The following SLC24A3 variants were observed in gnomAD, a reference collection of about 807,000 sequenced individuals.
SLC24A3 encodes solute carrier family 24 member 3.
SLC24A3 carries 28 observed loss-of-function variants against 75.8 expected under a neutral mutation model. The ratio of observed to expected loss-of-function variants is 0.37; its 90% CI spans 0.27 to 0.51. The LOEUF (loss-of-function observed/expected upper bound fraction) is 0.51, where lower values mean the gene tolerates loss of function less well. Among genes scored for constraint, SLC24A3 ranks in the 20% least tolerant of loss-of-function variants. The pLI, the probability that SLC24A3 is intolerant of heterozygous loss-of-function variation, is 0.94. For synonymous variants in SLC24A3, 372 were observed against 334.1 expected (o/e 1.11, Z -1.24); for missense variants, 663 against 847.8 (o/e 0.78, Z 2.71).
At chr20:19,708,142 A>G (rs953828662) in intron 15 of SLC24A3, among the ~76,000 whole-genome samples, 1 of 152,124 alleles carries the variant, frequency 6.6e-6, no homozygotes, top group South Asian at 2.1e-4. Context: ...GCAGCCAAGT[A>G]TATCAGACCT....
intron 3 of SLC24A3, among the ~76,000 whole-genome samples, chr20:19,546,294 C>T (rs2328406): frequency 0.49 from 73,581 of 151,640 alleles, 18,210 homozygotes; most frequent in South Asian, 0.58. Context: ...TCTCTCCCTA[C>T]ACCCCTGAGC....
intron 7 of SLC24A3, among the ~76,000 whole-genome samples, chr20:19,662,179 A>T (rs541220124): frequency 1.9e-3 from 293 of 152,206 alleles, no homozygotes; most frequent in Non-Finnish European, 3.1e-3. Flanking sequence ...TATCAGTATC[A>T]CCCTTGGTGG....
intron 3 of SLC24A3, among the ~76,000 whole-genome samples, chr20:19,562,826 C>T (rs774130992): frequency 1.3e-5 from 2 of 150,380 alleles, no homozygotes; most frequent in Non-Finnish European, 3.0e-5. Flanking sequence ...GTTGGCCCAT[C>T]ACCGCTAATG....
At chr20:19,655,279 T>G (rs1338293006) in intron 7 of SLC24A3, among the ~76,000 whole-genome samples, 2 of 152,164 alleles carry the variant, frequency 1.3e-5, no homozygotes, top group Non-Finnish European at 2.9e-5. Flanking sequence ...GCCATCCAAG[T>G]GGTGTCTCCA....
At chr20:19,553,387 A>G (rs1285568201) in intron 3 of SLC24A3, among the ~76,000 whole-genome samples, 2 of 152,206 alleles carry the variant, frequency 1.3e-5, no homozygotes, top group East Asian at 3.9e-4. Context: ...GCTGCATCAC[A>G]AGGAAGTAAG....
intron 1 of SLC24A3, among the ~76,000 whole-genome samples, chr20:19,253,190 C>G (rs933126612): frequency 6.6e-6 from 1 of 152,194 alleles, no homozygotes; most frequent in Non-Finnish European, 1.5e-5. Flanking sequence ...CCTAAAGACT[C>G]ACATTCTCTA....
chr20:19,435,227 C>T (rs3790203), intron 2 of SLC24A3, among the ~76,000 whole-genome samples: 4,172 of 152,288 alleles, frequency 0.027, 166 homozygotes, highest in East Asian at 0.1. Context: ...AACTTAACTC[C>T]CCAGAACTTG....
chr20:19,610,155 T>C (rs2031653125), intron 6 of SLC24A3, among the ~76,000 whole-genome samples: 1 of 150,766 alleles, frequency 6.6e-6, no homozygotes, highest in Non-Finnish European at 1.5e-5. Flanking sequence ...CTCGGCTTTC[T>C]TCTTCTCCTT....
intron 12 of SLC24A3, 55 bp from the exon 13 acceptor site, chr20:19,693,204 T>C (rs2032765428): frequency 1.3e-6 from 2 of 1,553,008 alleles, no homozygotes; most frequent in African/African-American, 1.4e-5. Flanking sequence ...TAAAGCTAAC[T>C]GGGGTTCTTT....
At chr20:19,324,631 C>T (rs757021449) in intron 2 of SLC24A3, among the ~76,000 whole-genome samples, 26 of 152,120 alleles carry the variant, frequency 1.7e-4, no homozygotes, top group Non-Finnish European at 3.5e-4. Context: ...TTTACCCATC[C>T]GTATAATCAA....
chr20:19,648,049 G>A (rs1357481271), intron 6 of SLC24A3, among the ~76,000 whole-genome samples: 1 of 152,102 alleles, frequency 6.6e-6, no homozygotes, highest in Non-Finnish European at 1.5e-5. Context: ...GTCCATTTTC[G>A]ATAGTGAACT....
rs73899701 is a variant in SLC24A3 at position 19,290,817 on chromosome 20, C to T, written c.271+9730C>T. Among the ~76,000 whole-genome samples, 441 of 152,190 alleles carry T rather than the reference C, an allele frequency of 2.9e-3. 3 individuals are homozygous for T. The highest frequency in any genetic ancestry group is 0.01 in the African/African-American group (431 of 41,506). On this transcript the variant is annotated intron_variant, in intron 2 of 16. Transcript: ENST00000328041. ...GGCAAACAGATGAATAAAGGGAGAC[C>T]GCCAGCCACATGTAAGACACCAAAC... is the stretch of plus-strand genomic sequence containing the variant.
At chr20:19,280,320 A>G (rs553593331) in intron 1 of SLC24A3, among the ~76,000 whole-genome samples, 1 of 152,246 alleles carries the variant, frequency 6.6e-6, no homozygotes, top group African/African-American at 2.4e-5. Context: ...GCACTCATGA[A>G]CCTATGCTTT....
intron 15 of SLC24A3, among the ~76,000 whole-genome samples, chr20:19,712,924 C>A (rs1362018446): frequency 6.6e-6 from 1 of 152,196 alleles, no homozygotes; most frequent in African/African-American, 2.4e-5. Flanking sequence ...GGCTGAACTG[C>A]CTTGTGGTAG....
chr20:19,703,074 G>A (rs6136819), intron 15 of SLC24A3, among the ~76,000 whole-genome samples: 14,117 of 152,192 alleles, frequency 0.093, 1,143 homozygotes, highest in East Asian at 0.22. Flanking sequence ...CGGGGAGTGA[G>A]GGTCATAAAA....
At chr20:19,398,523 G>T (rs1986496361) in intron 2 of SLC24A3, among the ~76,000 whole-genome samples, 1 of 151,940 alleles carries the variant, frequency 6.6e-6, no homozygotes. Flanking sequence ...TTTGCATTTT[G>T]ATTTTGTATC....
intron 3 of SLC24A3, among the ~76,000 whole-genome samples, chr20:19,545,161 A>T (rs1237553068): frequency 6.6e-6 from 1 of 152,252 alleles, no homozygotes; most frequent in Non-Finnish European, 1.5e-5. Flanking sequence ...TGGGAAATGC[A>T]TGAAGCGGCT....
chr20:19,670,299 G>A (rs942638168), intron 8 of SLC24A3, among the ~76,000 whole-genome samples: 8 of 152,200 alleles, frequency 5.3e-5, no homozygotes, highest in South Asian at 2.1e-4. Context: ...CAGGTGGGGC[G>A]GCACAGAGGC....
chr20:19,364,106 G>A (rs996594954), intron 2 of SLC24A3, among the ~76,000 whole-genome samples: 3 of 152,198 alleles, frequency 2.0e-5, no homozygotes, highest in Non-Finnish European at 4.4e-5. Context: ...GAGCTGTGCT[G>A]TCCCACAGCC....
Sources: gnomAD v4.1 joint callset for allele counts (sites outside exome capture counted in the v4.1 genomes callset) on GRCh38, gnomAD v4.1.1 for gene constraint, MANE v1.5 for transcripts, NCBI Gene and HGNC (gene_info 2026-07-23, HGNC 2026-07-21) for gene names.